The following AK7 variants were observed in gnomAD, a reference collection of about 807,000 sequenced individuals.
AK7 encodes ATP-AMP transphosphorylase 7.
A neutral mutation model predicts 96.6 loss-of-function variants in AK7; 78 were observed. The observed-to-expected ratio is 0.81, with a 90% CI of 0.67 to 0.97. AK7 has a LOEUF of 0.97. AK7 is among the 50% of genes least tolerant of loss of function. AK7 has a pLI of 0.00. For synonymous variants in AK7, 302 were observed against 317.2 expected (o/e 0.95, Z 0.51); for missense variants, 855 against 887.9 (o/e 0.96, Z 0.47).
chr14:96,488,200 A>T, intron 17 of AK7, 105 bp from the exon 18 acceptor site: 1 of 1,094,986 alleles, frequency 9.1e-7, no homozygotes, highest in Non-Finnish European at 1.3e-6. Context: ...GGCATGAGCC[A>T]CCAAGCTTGG....
At position 96,486,944 on chromosome 14, in the gene AK7, A is replaced by C. The variant is rs766691350; in HGVS notation, c.2021A>C (p.Glu674Ala). 2 of 1,613,788 alleles carry C rather than the reference A, an allele frequency of 1.2e-6. No homozygotes were observed. The highest frequency in any genetic ancestry group is 2.7e-5 in the African/African-American group (2 of 74,910). The change falls in exon 17 of 18, where the codon GAG becomes GCG. Residue 674 changes from glutamate (E) to alanine (A), a missense_variant. Transcript: ENST00000267584. ...EVKREERELL[E>A]AQSIPLRNYL... ...AAAAGAGAAGAAAGAGAATTACTGG[A>C]GGCTCAGTCAATTCCCCTGAGAAAC...
chr14:96,417,634 C>T (rs953275368), intron 4 of AK7, among the ~76,000 whole-genome samples: 3 of 152,194 alleles, frequency 2.0e-5, no homozygotes, highest in Admixed American at 2.0e-4. Flanking sequence ...ACACTTTGCT[C>T]TCTTTGTATC....
At chr14:96,458,312 A>G in intron 12 of AK7, 100 bp downstream of exon 12, 6 of 1,457,248 alleles carry the variant, frequency 4.1e-6, no homozygotes, top group Admixed American at 2.4e-5. Flanking sequence ...AGACTGAACT[A>G]CAGGCGGGCG....
Position 96,456,427 on chromosome 14 carries a change from G to A in AK7, c.1179G>A (p.Leu393=). 2 of 1,613,832 alleles carry A rather than the reference G, an allele frequency of 1.2e-6. No homozygotes were observed. The highest frequency in any genetic ancestry group is 1.1e-5 in the South Asian group (1 of 91,074). ...IAKELANYYK[L]HHIQLKDVIS... ...AAGAATTGGCCAACTACTACAAACT[G>A]CATCACATCCAACTGAAGGATGTCA... Residue 393 remains leucine, a synonymous_variant, in exon 11 of 18, where the codon CTG becomes CTA. Coordinates refer to ENST00000267584, the MANE Select transcript of AK7 (RefSeq NM_152327.5).
intron 15 of AK7, among the ~76,000 whole-genome samples, chr14:96,479,074 A>AT (rs1895359871): frequency 3.3e-5 from 5 of 150,496 alleles, no homozygotes; most frequent in Non-Finnish European, 1.5e-5. Context: ...AGGCCTGATT[A>AT]ATTTTTTTTT....
chr14:96,465,709 G>A (rs1202840246), intron 12 of AK7, among the ~76,000 whole-genome samples: 2 of 151,822 alleles, frequency 1.3e-5, no homozygotes, highest in Non-Finnish European at 2.9e-5. Flanking sequence ...TATTCAAGTA[G>A]GTGAGTAAAA....
intron 16 of AK7, among the ~76,000 whole-genome samples, chr14:96,485,812 T>C (rs1328740632): frequency 6.6e-6 from 1 of 150,860 alleles, no homozygotes; most frequent in Non-Finnish European, 1.5e-5. Context: ...TTTTTTTTTT[T>C]TGAGACGGAG....
intron 4 of AK7, among the ~76,000 whole-genome samples, chr14:96,414,020 A>G (rs1483959843): frequency 1.3e-5 from 2 of 152,168 alleles, no homozygotes; most frequent in Non-Finnish European, 2.9e-5. Flanking sequence ...ATGCAATCCA[A>G]TTTTGGGATG....
In AK7 at chr14:96,398,341, T is replaced by C. The variant is rs762902064; in HGVS notation, c.294+78T>C. On this transcript the variant is annotated intron_variant, in intron 2 of 17. Coordinates refer to ENST00000267584, the MANE Select transcript of AK7 (RefSeq NM_152327.5). ...GCTCCAACGCCTTGACAACTTGTTT[T>C]ACTGTTTGCCTCCCCTCCCCTCTCT... 2.0e-6 allele frequency: 3 copies of C among 1,501,198 alleles called. No homozygotes were observed. In the African/African-American group the frequency reaches 4.1e-5, roughly 21 times the overall value. 93.0% of individuals were successfully genotyped at this position (1,501,198 alleles called of 1,614,324 possible).
chr14:96,478,009 C>G (rs1283843479), intron 14 of AK7, among the ~76,000 whole-genome samples: 2 of 152,008 alleles, frequency 1.3e-5, no homozygotes, highest in African/African-American at 4.8e-5. Context: ...CCTTGTATCT[C>G]TCTAAAATAA....
At chr14:96,432,033 A>G (rs917117166) in intron 5 of AK7, among the ~76,000 whole-genome samples, 3 of 151,726 alleles carry the variant, frequency 2.0e-5, no homozygotes, top group African/African-American at 7.3e-5. Context: ...GTCTCTTTTG[A>G]TCTTTGTTGA....
At chr14:96,404,166 A>C (rs1010559643) in intron 2 of AK7, among the ~76,000 whole-genome samples, 6 of 151,636 alleles carry the variant, frequency 4.0e-5, no homozygotes, top group African/African-American at 9.7e-5. Context: ...AAAAAAAAAA[A>C]AAAAAAACAC....
chr14:96,408,751 T>C, intron 3 of AK7, 96 bp from the exon 4 acceptor site: 1 of 1,028,114 alleles, frequency 9.7e-7, no homozygotes, highest in South Asian at 1.5e-5. Flanking sequence ...AGCACCCTGG[T>C]GTTAAGTGGC....
At chr14:96,474,819 G>C (rs1895088019) in intron 14 of AK7, among the ~76,000 whole-genome samples, 1 of 152,162 alleles carries the variant, frequency 6.6e-6, no homozygotes, top group African/African-American at 2.4e-5. Context: ...AGTTCAACTG[G>C]CAATTGGTCG....
intron 3 of AK7, among the ~76,000 whole-genome samples, chr14:96,407,575 CTTTTCTTTT>C (rs1890783339): frequency 5.5e-5 from 3 of 54,732 alleles, no homozygotes; most frequent in Non-Finnish European, 7.9e-5. Context: ...TTCTTTCTTT[CTTTTCTTTT>C]TTTTTTTTTT....
chr14:96,435,425 C>T (rs1028210424), intron 5 of AK7, among the ~76,000 whole-genome samples: 2 of 152,034 alleles, frequency 1.3e-5, no homozygotes, highest in African/African-American at 4.8e-5. Flanking sequence ...CAAAGTCCCC[C>T]CTACTCTTCC....
chr14:96,458,301 AAG>A, intron 12 of AK7, 89 bp downstream of exon 12: 1 of 1,510,546 alleles, frequency 6.6e-7, no homozygotes, highest in Non-Finnish European at 8.9e-7. Flanking sequence ...TTAAAAAAAA[AAG>A]ACTGAACTAC....
chr14:96,392,985 A>G (rs969318967), intron 1 of AK7, among the ~76,000 whole-genome samples: 2 of 152,138 alleles, frequency 1.3e-5, no homozygotes, highest in African/African-American at 4.8e-5. Flanking sequence ...AAATTTTTAT[A>G]TTGCCCATGA....
chr14:96,449,529 G>A (rs1410037004), intron 8 of AK7, among the ~76,000 whole-genome samples: 1 of 152,206 alleles, frequency 6.6e-6, no homozygotes, highest in African/African-American at 2.4e-5. Context: ...TGTCTCTCAG[G>A]TTCAAGCAAT....
Sources: gnomAD v4.1 joint callset for allele counts (sites outside exome capture counted in the v4.1 genomes callset) on GRCh38, gnomAD v4.1.1 for gene constraint, MANE v1.5 for transcripts, NCBI Gene and HGNC (gene_info 2026-07-23, HGNC 2026-07-21) for gene names.